Variants in NCAM2 observed in about 807,000 individuals in gnomAD.
NCAM2 encodes neural cell adhesion molecule 2.
Under a neutral mutation model 98.1 loss-of-function variants are expected in NCAM2, and 30 were observed. The observed-to-expected ratio is 0.31, with a 90% CI of 0.23 to 0.41. The LOEUF is 0.41. Among genes scored for constraint, NCAM2 ranks in the 10% least tolerant of loss-of-function variants. The probability of loss-of-function intolerance (pLI) is 1.00; values close to 1 mark genes in which losing one functional copy is unlikely to be tolerated. For missense variants in NCAM2, 867 were observed against 1,005.8 expected (o/e 0.86, Z 1.87); for synonymous variants, 368 against 342.4 (o/e 1.07, Z -0.83).
chr21:21,115,040 C>G (rs531289892), intron 1 of NCAM2, among the ~76,000 whole-genome samples: 2 of 151,976 alleles, frequency 1.3e-5, no homozygotes, highest in Non-Finnish European at 2.9e-5. Context: ...AGGCTGGTCT[C>G]GAACTCCTGA....
At chr21:21,224,638 A>T (rs1437215917) in intron 1 of NCAM2, among the ~76,000 whole-genome samples, 8 of 152,128 alleles carry the variant, frequency 5.3e-5, no homozygotes, top group Non-Finnish European at 7.4e-5. Flanking sequence ...AGAGAATATT[A>T]TCTATACAGT....
intron 1 of NCAM2, among the ~76,000 whole-genome samples, chr21:21,066,876 G>A (rs939754669): frequency 1.3e-5 from 2 of 151,938 alleles, no homozygotes; most frequent in Non-Finnish European, 2.9e-5. Flanking sequence ...TTATTGATAG[G>A]AAGTGATCAT....
intron 16 of NCAM2, among the ~76,000 whole-genome samples, chr21:21,532,817 T>C (rs1989780397): frequency 6.6e-6 from 1 of 152,082 alleles, no homozygotes; most frequent in African/African-American, 2.4e-5. Flanking sequence ...GATCCAGTGG[T>C]GGTGGGCTCT....
intron 9 of NCAM2, among the ~76,000 whole-genome samples, chr21:21,386,696 T>C (rs1192783858): frequency 6.6e-6 from 1 of 152,204 alleles, no homozygotes; most frequent in East Asian, 1.9e-4. Context: ...ATAACATTAT[T>C]GTCTCTCTGA....
intron 9 of NCAM2, among the ~76,000 whole-genome samples, chr21:21,396,494 G>A (rs1343547914): frequency 1.3e-5 from 2 of 152,114 alleles, no homozygotes; most frequent in Admixed American, 6.5e-5. Context: ...ACCTCTGCTT[G>A]GGTTTTGCTT....
intron 1 of NCAM2, among the ~76,000 whole-genome samples, chr21:21,093,894 C>T (rs1390430720): frequency 6.6e-6 from 1 of 151,896 alleles, no homozygotes; most frequent in Non-Finnish European, 1.5e-5. Context: ...TCACACTTTC[C>T]TTCTTTTGTT....
chr21:21,505,323 AGTGAGAAGGAAGCTGTCT>A (rs1350386934), intron 15 of NCAM2, among the ~76,000 whole-genome samples: 1 of 152,098 alleles, frequency 6.6e-6, no homozygotes, highest in Non-Finnish European at 1.5e-5. Context: ...GTGATCACAC[AGTGAGAAGGAAGCTGTCT>A]GCAAAGCCAG....
At chr21:21,160,266 T>G (rs1379523704) in intron 1 of NCAM2, among the ~76,000 whole-genome samples, 1 of 152,056 alleles carries the variant, frequency 6.6e-6, no homozygotes, top group Non-Finnish European at 1.5e-5. Flanking sequence ...AGTAGCTTAC[T>G]TAGTAATGCC....
intron 1 of NCAM2, among the ~76,000 whole-genome samples, chr21:21,260,297 A>G (rs1306588569): frequency 6.6e-6 from 1 of 151,886 alleles, no homozygotes; most frequent in Non-Finnish European, 1.5e-5. Flanking sequence ...ATTCCAAAAA[A>G]AATTCCTAAT....
chr21:21,219,001 C>T (rs1372696714), intron 1 of NCAM2, among the ~76,000 whole-genome samples: 3 of 152,216 alleles, frequency 2.0e-5, no homozygotes, highest in African/African-American at 7.2e-5. Flanking sequence ...TGAAATCGTG[C>T]CATTGCACTC....
chr21:21,417,464 G>A (rs1161341177), intron 10 of NCAM2, among the ~76,000 whole-genome samples: 1 of 151,928 alleles, frequency 6.6e-6, no homozygotes, highest in Non-Finnish European at 1.5e-5. Flanking sequence ...CCTCAAAATT[G>A]CACTCTTAGT....
At chr21:21,441,465 A>C (rs1009065040) in intron 12 of NCAM2, among the ~76,000 whole-genome samples, 1 of 152,228 alleles carries the variant, frequency 6.6e-6, no homozygotes, top group Non-Finnish European at 1.5e-5. Flanking sequence ...ATATACTATT[A>C]GTGATGCATG....
At chr21:21,493,981 A>G (rs1237500805) in intron 15 of NCAM2, among the ~76,000 whole-genome samples, 1 of 151,950 alleles carries the variant, frequency 6.6e-6, no homozygotes, top group East Asian at 1.9e-4. Flanking sequence ...TTAATAATGT[A>G]GAATTGATGT....
chr21:21,195,718 G>A (rs1337614757), intron 1 of NCAM2, among the ~76,000 whole-genome samples: 1 of 152,158 alleles, frequency 6.6e-6, no homozygotes, highest in Non-Finnish European at 1.5e-5. Flanking sequence ...ACTGACTCTT[G>A]AACATGTATT....
intron 1 of NCAM2, among the ~76,000 whole-genome samples, chr21:21,202,947 T>C (rs1464054378): frequency 6.6e-6 from 1 of 152,178 alleles, no homozygotes; most frequent in East Asian, 1.9e-4. Flanking sequence ...ATATCAGATA[T>C]GGTTATTTGC....
chr21:21,341,422 G>A lies in NCAM2; in HGVS notation c.1044+2888G>A, dbSNP rs182544800. Among the ~76,000 whole-genome samples, 381 of 152,152 alleles carry A rather than the reference G, an allele frequency of 2.5e-3. 13 individuals carry two copies. Among genetic ancestry groups the A allele is most frequent in the East Asian group, 4.3e-3 (22 of 5,174 alleles). ...ATTTTGGGAAACAACTTCAAGTAAG[G>A]ATGAAAATTAACAGCTAATATTTCC... On this transcript the variant is annotated intron_variant, in intron 8 of 17. Transcript: ENST00000400546.
intron 16 of NCAM2, among the ~76,000 whole-genome samples, chr21:21,521,797 T>C (rs1989031136): frequency 6.6e-6 from 1 of 151,872 alleles, no homozygotes; most frequent in South Asian, 2.1e-4. Flanking sequence ...ACAGTTATAA[T>C]ATGTGCATAT....
intron 1 of NCAM2, among the ~76,000 whole-genome samples, chr21:21,215,915 A>T (rs1458539023): frequency 2.0e-5 from 3 of 152,136 alleles, no homozygotes; most frequent in African/African-American, 7.2e-5. Flanking sequence ...TATAAATAGT[A>T]CAGTAACAAG....
Position 21,284,376 on chromosome 21 carries a change from G to A in NCAM2, c.313G>A (p.Ala105Thr), listed in dbSNP as rs373062950. The stretch of plus-strand genomic sequence containing the variant: ...AGATGCCAAAGGACAAACACAAGAA[G>A]CTACAGTAGTTTTGGAAATTTACCG... The part of the protein sequence containing the change: ...ATDAKGQTQE[A>T]TVVLEIYQKL... The change falls in exon 3 of 18, where the codon GCT (alanine) becomes ACT (threonine). Residue 105 changes from alanine to threonine, a missense_variant. Ala to Thr is a moderately conservative substitution (Grantham distance 58). Around this residue, in one of 5 missense-constraint regions of NCAM2, gnomAD observed 447 missense variants for 495.7 expected, o/e 0.90. Coordinates refer to ENST00000400546, the MANE Select transcript of NCAM2 (RefSeq NM_004540.5). 2 of 1,611,868 alleles carry A rather than the reference G, an allele frequency of 1.2e-6. No homozygotes were observed. The highest frequency in any genetic ancestry group is 1.7e-6 in the Non-Finnish European group (2 of 1,178,600).
Sources: allele counts gnomAD v4.1 joint callset (sites outside exome capture counted in the v4.1 genomes callset), GRCh38; gene constraint gnomAD v4.1.1; regional missense constraint gnomAD v4.1.1; transcripts MANE v1.5; gene names NCBI Gene and HGNC (gene_info 2026-07-23, HGNC 2026-07-21).